DOK6: variants seen among roughly 807,000 people sequenced by gnomAD.
DOK6 encodes the protein docking protein 6.
Under a neutral mutation model 44.0 loss-of-function variants are expected in DOK6, and 22 were observed. The observed-to-expected ratio is 0.50, with a 90% confidence interval of 0.36 to 0.71. The LOEUF (loss-of-function observed/expected upper bound fraction) is 0.71. DOK6 is among the 30% of genes least tolerant of loss of function. The probability of loss-of-function intolerance (pLI) is 0.00; values close to 1 mark genes in which losing one functional copy is unlikely to be tolerated. For synonymous variants in DOK6, 166 were observed against 145.5 expected (o/e 1.14, Z -1.01); for missense variants, 340 against 416.4 (o/e 0.82, Z 1.60).
chr18:69,488,232 A>T (rs1442678), intron 1 of DOK6, among the ~76,000 whole-genome samples: 7,194 of 152,210 alleles, frequency 0.047, 261 homozygotes, highest in Non-Finnish European at 0.063. Context: ...CCCCAACCTC[A>T]TGACCTCATC....
chr18:69,466,790 AGAGG>A (rs1979940708), intron 1 of DOK6, among the ~76,000 whole-genome samples: 1 of 151,486 alleles, frequency 6.6e-6, no homozygotes, highest in African/African-American at 2.4e-5. Flanking sequence ...AGGGAGGGAA[AGAGG>A]GAGGGAGGGA....
At chr18:69,653,977 A>G (rs1410059272) in intron 3 of DOK6, among the ~76,000 whole-genome samples, 1 of 152,208 alleles carries the variant, frequency 6.6e-6, no homozygotes, top group Non-Finnish European at 1.5e-5. Context: ...TGTGATTAAC[A>G]TGCTCAAAAT....
chr18:69,627,086 A>G (rs1004097570), intron 3 of DOK6, among the ~76,000 whole-genome samples: 3 of 152,190 alleles, frequency 2.0e-5, no homozygotes, highest in African/African-American at 4.8e-5. Context: ...ACGGGCAGTC[A>G]TTGAAGGGCA....
chr18:69,415,530 A>G (rs1417596117), intron 1 of DOK6, among the ~76,000 whole-genome samples: 1 of 152,138 alleles, frequency 6.6e-6, no homozygotes, highest in African/African-American at 2.4e-5. Flanking sequence ...GATCATTACT[A>G]TCTTAAAGAT....
intron 1 of DOK6, among the ~76,000 whole-genome samples, chr18:69,522,995 G>T (rs551837183): frequency 6.6e-6 from 1 of 152,206 alleles, no homozygotes; most frequent in South Asian, 2.1e-4. Context: ...GCTATTTCCT[G>T]CCAGAGAAAG....
At chr18:69,837,142 CT>C (rs1202742326) in intron 7 of DOK6, among the ~76,000 whole-genome samples, 1 of 152,052 alleles carries the variant, frequency 6.6e-6, no homozygotes, top group African/African-American at 2.4e-5. Context: ...ATGTCTTAGT[CT>C]TTTTTGTGTT....
intron 7 of DOK6, among the ~76,000 whole-genome samples, chr18:69,822,209 C>T (rs1212823413): frequency 6.6e-6 from 1 of 152,092 alleles, no homozygotes; most frequent in Admixed American, 6.6e-5. Flanking sequence ...AATTTTGAAG[C>T]CTCCACCTTT....
chr18:69,572,071 G>C (rs1018376545), intron 2 of DOK6, among the ~76,000 whole-genome samples: 4 of 151,978 alleles, frequency 2.6e-5, no homozygotes, highest in African/African-American at 9.7e-5. Context: ...GTATTATCTA[G>C]AAAGCTCTAA....
intron 1 of DOK6, among the ~76,000 whole-genome samples, chr18:69,500,399 A>C (rs1981014263): frequency 6.6e-6 from 1 of 152,062 alleles, no homozygotes; most frequent in Admixed American, 6.6e-5. Flanking sequence ...TCACCTTCTC[A>C]GTGAGGTCTC....
intron 3 of DOK6, among the ~76,000 whole-genome samples, chr18:69,670,197 C>T (rs2144679398): frequency 6.6e-6 from 1 of 152,266 alleles, no homozygotes; most frequent in South Asian, 2.1e-4. Context: ...GTTCCATGTT[C>T]AATGGGGACT....
intron 1 of DOK6, among the ~76,000 whole-genome samples, chr18:69,523,849 A>G (rs11151509): frequency 0.61 from 92,973 of 151,418 alleles, 29,191 homozygotes; most frequent in Non-Finnish European, 0.69. Flanking sequence ...TAATGGTTAC[A>G]ACGATTTGAA....
chr18:69,608,241 T>C (rs1239454152), intron 3 of DOK6, among the ~76,000 whole-genome samples: 1 of 152,234 alleles, frequency 6.6e-6, no homozygotes, highest in Non-Finnish European at 1.5e-5. Flanking sequence ...TTTCCAGTTT[T>C]CCAACACTAT....
chr18:69,649,573 C>T (rs988453052), intron 3 of DOK6, among the ~76,000 whole-genome samples: 1 of 152,152 alleles, frequency 6.6e-6, no homozygotes, highest in Non-Finnish European at 1.5e-5. Flanking sequence ...CTGCATCCCC[C>T]TTCTTAAAGA....
intron 3 of DOK6, among the ~76,000 whole-genome samples, chr18:69,639,257 A>G (rs1210000673): frequency 1.3e-5 from 2 of 152,230 alleles, no homozygotes; most frequent in African/African-American, 4.8e-5. Flanking sequence ...GTCTTAAAAC[A>G]AAGCTTGAAA....
At chr18:69,643,516 G>C (rs1244706007) in intron 3 of DOK6, among the ~76,000 whole-genome samples, 3 of 152,098 alleles carry the variant, frequency 2.0e-5, no homozygotes, top group Non-Finnish European at 4.4e-5. Flanking sequence ...ACTCAGGTAG[G>C]ATGTAACTTT....
intron 1 of DOK6, among the ~76,000 whole-genome samples, chr18:69,523,667 T>G (rs531381372): frequency 7.1e-4 from 108 of 152,116 alleles, no homozygotes; most frequent in African/African-American, 2.3e-3. Flanking sequence ...AATTTTTTTT[T>G]TCTCTTGGAA....
At chr18:69,724,829 T>G (rs1271475618) in intron 5 of DOK6, 1 of 152,208 alleles carries the variant, frequency 6.6e-6, no homozygotes, top group African/African-American at 2.4e-5. Context: ...TTAGACCAGC[T>G]CTCTCCAAGA....
At chr18:69,566,010 A>G (rs1387259683) in intron 2 of DOK6, among the ~76,000 whole-genome samples, 1 of 152,204 alleles carries the variant, frequency 6.6e-6, no homozygotes, top group Admixed American at 6.5e-5. Context: ...TAAAATTTTG[A>G]TGGGCTGAGC....
chr18:69,402,515 G>A (rs1304224052), intron 1 of DOK6, among the ~76,000 whole-genome samples: 1 of 152,222 alleles, frequency 6.6e-6, no homozygotes, highest in African/African-American at 2.4e-5. Context: ...CAAGCACCAG[G>A]AGTCGCTTTG....
Sources: gnomAD v4.1 joint callset for allele counts (sites outside exome capture counted in the v4.1 genomes callset) on GRCh38, gnomAD v4.1.1 for gene constraint, MANE v1.5 for transcripts, NCBI Gene and HGNC (gene_info 2026-07-23, HGNC 2026-07-21) for gene names.